C11orf65: variants seen among roughly 807,000 people sequenced by gnomAD.
The protein encoded by C11orf65 is protein MFI.
In C11orf65, 38 loss-of-function variants were observed where a neutral mutation model predicts 35.3. The observed-to-expected ratio is 1.08, with a 90% CI of 0.83 to 1.41. The LOEUF is 1.41. C11orf65 is among the 40% of genes most tolerant of loss of function. C11orf65 has a pLI of 0.00. For synonymous variants in C11orf65, 105 were observed against 114.4 expected (o/e 0.92, Z 0.53); for missense variants, 370 against 367.1 (o/e 1.01, Z -0.06).
At chr11:108,313,881 ATTTTT>A (rs956168582) in intron 6 of C11orf65, among the ~76,000 whole-genome samples, 3 of 151,834 alleles carry the variant, frequency 2.0e-5, no homozygotes, top group Non-Finnish European at 4.4e-5. Context: ...TTTCTATTTT[ATTTTT>A]TTTATGTTTT....
intron 3 of C11orf65, among the ~76,000 whole-genome samples, chr11:108,411,722 A>G (rs1226761206): frequency 2.0e-5 from 3 of 152,084 alleles, no homozygotes; most frequent in South Asian, 2.1e-4. Flanking sequence ...TATATCTCAC[A>G]AAACTTTATC....
intron 2 of C11orf65, among the ~76,000 whole-genome samples, chr11:108,354,570 A>G (rs1011318522): frequency 4.6e-5 from 7 of 152,112 alleles, no homozygotes; most frequent in Non-Finnish European, 8.8e-5. Context: ...CATGCCTGTA[A>G]TCAATAGTGT....
intron 2 of C11orf65, among the ~76,000 whole-genome samples, chr11:108,361,346 C>A (rs2090724668): frequency 6.7e-6 from 1 of 149,394 alleles, no homozygotes; most frequent in Non-Finnish European, 1.5e-5. Context: ...TAGGAAGAAT[C>A]AATATTGTGA....
downstream of C11orf65, among the ~76,000 whole-genome samples, chr11:108,382,393 G>GA (rs2091883116): frequency 6.6e-6 from 1 of 151,590 alleles, no homozygotes; most frequent in Non-Finnish European, 1.5e-5. Context: ...ATCTAGGAAG[G>GA]AAAATGAAAA....
downstream of C11orf65, chr11:108,330,226 G>C (rs751537332): frequency 7.4e-6 from 12 of 1,614,052 alleles, no homozygotes; most frequent in Non-Finnish European, 1.0e-5. Context: ...ACACAGTAAA[G>C]GTTCAGCGAG....
chr11:108,392,617 C>T (rs746549313), intron 7 of C11orf65, among the ~76,000 whole-genome samples: 36 of 152,186 alleles, frequency 2.4e-4, no homozygotes, highest in Non-Finnish European at 4.1e-4. Flanking sequence ...CACCATTGCA[C>T]ATTCCCACTA....
At chr11:108,369,331 C>T (rs987679535) in intron 2 of C11orf65, among the ~76,000 whole-genome samples, 9 of 152,058 alleles carry the variant, frequency 5.9e-5, no homozygotes, top group Non-Finnish European at 1.3e-4. Flanking sequence ...GTTTCTTAGT[C>T]GCCTCCTGAC....
downstream of C11orf65, chr11:108,328,945 T>G (rs1184595694): frequency 2.1e-6 from 3 of 1,411,450 alleles, no homozygotes; most frequent in African/African-American, 4.3e-5. Flanking sequence ...TTTAGTGTAT[T>G]ACCTTAATTT....
chr11:108,400,424 T>C (rs529271338), intron 6 of C11orf65, among the ~76,000 whole-genome samples: 3 of 152,290 alleles, frequency 2.0e-5, no homozygotes, highest in Non-Finnish European at 4.4e-5. Context: ...ATCAATGTAA[T>C]GGACAGGCAT....
At chr11:108,309,144 A>G in intron 6 of C11orf65, 1 of 843,648 alleles carries the variant, frequency 1.2e-6, no homozygotes. Context: ...GTGCTGTGTA[A>G]AAATTACTTG....
At chr11:108,436,149 G>A (rs903271191) in intron 2 of C11orf65, among the ~76,000 whole-genome samples, 2 of 151,784 alleles carry the variant, frequency 1.3e-5, no homozygotes, top group African/African-American at 2.4e-5. Context: ...AGGGCATAAT[G>A]AGCCAAGGAT....
At chr11:108,334,232 C>A (rs2086589797) in intron 3 of C11orf65, among the ~76,000 whole-genome samples, 1 of 152,038 alleles carries the variant, frequency 6.6e-6, no homozygotes, top group Non-Finnish European at 1.5e-5. Context: ...CTTTCATTGG[C>A]CAGAAGGAGA....
chr11:108,373,966 C>G (rs1246539982), intron 2 of C11orf65, among the ~76,000 whole-genome samples: 1 of 152,242 alleles, frequency 6.6e-6, no homozygotes, highest in East Asian at 1.9e-4. Flanking sequence ...TGCAGCGAGG[C>G]TGGCGGAGGG....
chr11:108,350,813 G>A (rs902317894), intron 2 of C11orf65, among the ~76,000 whole-genome samples: 1 of 152,128 alleles, frequency 6.6e-6, no homozygotes, highest in Non-Finnish European at 1.5e-5. Context: ...GTCCATTCAG[G>A]TCGTGCTAAA....
chr11:108,382,877 G>C lies in C11orf65; in HGVS notation c.*144C>G. On this transcript the variant is annotated 3_prime_UTR_variant, in exon 9 of 9. Coordinates refer to ENST00000393084, the MANE Select transcript of C11orf65 (RefSeq NM_152587.5). ...GTATTCAGTCCAGTGTTCTATTTCT[G>C]CTCAATCTTCCTTACTTAACTGAGC... 2 of 1,506,452 alleles carry C rather than the reference G, an allele frequency of 1.3e-6. No homozygotes were observed. The highest frequency in any genetic ancestry group is 1.8e-6 in the Non-Finnish European group (2 of 1,138,584). The allele number at this position is 1,506,452 out of a possible 1,614,324, so 93.3% of individuals were successfully genotyped here. A position where few individuals can be genotyped will look rare whatever the true frequency, so the allele number is the denominator to read the frequency against.
chr11:108,424,540 T>TA (rs1162559576), intron 3 of C11orf65, among the ~76,000 whole-genome samples: 1 of 152,142 alleles, frequency 6.6e-6, no homozygotes, highest in Non-Finnish European at 1.5e-5. Context: ...CAAGGAGACT[T>TA]AGACTCCCAC....
chr11:108,463,181 A>C (rs2093492522), intron 1 of C11orf65, among the ~76,000 whole-genome samples: 1 of 152,216 alleles, frequency 6.6e-6, no homozygotes, highest in African/African-American at 2.4e-5. Context: ...CAAAACGTGT[A>C]AGGATTTACA....
intron 1 of C11orf65, among the ~76,000 whole-genome samples, chr11:108,466,890 T>C (rs1037753034): frequency 5.9e-5 from 9 of 152,254 alleles, no homozygotes; most frequent in African/African-American, 1.9e-4. Flanking sequence ...ACTAAATTTA[T>C]TGAATAAACA....
chr11:108,395,837 G>A (rs1015082855), intron 6 of C11orf65, among the ~76,000 whole-genome samples: 4 of 150,662 alleles, frequency 2.7e-5, no homozygotes, highest in East Asian at 2.0e-4. Context: ...GAGCCCGGAT[G>A]GTCTCGATCT....
Sources: allele counts gnomAD v4.1 joint callset (sites outside exome capture counted in the v4.1 genomes callset), GRCh38; gene constraint gnomAD v4.1.1; transcripts MANE v1.5; gene names NCBI Gene and HGNC (gene_info 2026-07-23, HGNC 2026-07-21).